The following ITGAE variants were observed in gnomAD, a reference collection of about 807,000 sequenced individuals.
ITGAE encodes integrin subunit alpha E.
ITGAE carries 99 observed loss-of-function variants against 136.5 expected under a neutral mutation model. The ratio of observed to expected loss-of-function variants is 0.73; its 90% CI spans 0.62 to 0.86. ITGAE has a LOEUF of 0.86. Among genes scored for constraint, ITGAE ranks in the 40% least tolerant of loss-of-function variants. ITGAE has a pLI of 0.00. For missense variants in ITGAE, 1,447 were observed against 1,515.3 expected (o/e 0.95, Z 0.75); for synonymous variants, 613 against 591.8 (o/e 1.04, Z -0.52).
In ITGAE at chr17:3,761,903, T is replaced by C. The variant is rs765054248; in HGVS notation, c.315+12A>G. ...TCCCTAAGGCCCTCCCTCCTCTCGC[T>C]CCTGCACTCACCAAAACACCGTGGT... On this transcript the variant is annotated intron_variant, in intron 4 of 30. Transcript: ENST00000263087. The C allele has an allele frequency of 3.7e-6, 6 of 1,612,990 alleles. No homozygotes were observed. Among genetic ancestry groups the C allele is most frequent in the Non-Finnish European group, 5.1e-6 (6 of 1,179,196 alleles).
Position 3,777,437 on chromosome 17 carries a change from G to A in ITGAE, c.155+103C>T, listed in dbSNP as rs1175689634. ...TGAAAGAGAAAGGAGTTCCTCTCCT[G>A]ACGGTGGGGTGGGGTGGGCTGCCAT... On this transcript the variant is annotated intron_variant, in intron 2 of 30. Transcript: ENST00000263087. The A allele has an allele frequency of 9.9e-6, 14 of 1,415,228 alleles. No individual in the cohort carries two copies. In the Admixed American group the frequency reaches 2.4e-4, roughly 25 times the overall value. 87.7% of individuals were successfully genotyped at this position (1,415,228 alleles called of 1,614,324 possible).
chr17:3,794,826 G>A (rs1404562684), intron 1 of ITGAE, among the ~76,000 whole-genome samples: 2 of 152,124 alleles, frequency 1.3e-5, no homozygotes, highest in African/African-American at 4.8e-5. Context: ...AGGGGTGGGT[G>A]GGGGGCCTTC....
chr17:3,761,117 C>T lies in ITGAE; in HGVS notation c.494G>A (p.Gly165Asp). Residue 165 changes from glycine (G) to aspartate (D), a missense_variant, in exon 6 of 31, where the codon GGC (glycine) becomes GAC (aspartate). By Grantham distance (94) the Gly-to-Asp change is moderately conservative (BLOSUM62 -1). Transcript: ENST00000263087. ...TGTGTTCACATCGTCTTCTCCACCG[C>T]CTTCTTTGTTGCTGTAGCAGTCTCC... ...DTGDCYSNKE[G>D]GGEDDVNTAR... 1.9e-6 allele frequency: 3 copies of T among 1,613,294 alleles called. No individual in the cohort carries two copies. Among genetic ancestry groups the T allele is most frequent in the Admixed American group, 1.7e-5 (1 of 59,982 alleles).
chr17:3,759,675 A>G, intron 7 of ITGAE, 122 bp from the exon 8 acceptor site: 1 of 1,221,836 alleles, frequency 8.2e-7, no homozygotes, highest in Admixed American at 2.2e-5. Flanking sequence ...GCAGAAAGAG[A>G]TGCTAAGGCA....
rs116605886 is a variant in ITGAE at position 3,798,089 on chromosome 17, A to G, written c.34+3022T>C. On this transcript the variant is annotated intron_variant, in intron 1 of 30. Transcript: ENST00000263087. The surrounding 1 kb of genome is among the most constrained non-coding windows in gnomAD (Gnocchi z 4.3). Reference sequence around the variant, plus strand: ...CCTGCCACACGAATGCAGGCCTCCCAGAGAAGGGCAGGGATGTGGGGCTCC... The same window carrying G: ...CCTGCCACACGAATGCAGGCCTCCCGGAGAAGGGCAGGGATGTGGGGCTCC... 3.9e-3 allele frequency among the ~76,000 whole-genome samples: 597 copies of G among 152,246 alleles called. 4 individuals carry two copies. Among genetic ancestry groups the G allele is most frequent in the African/African-American group, 0.013 (558 of 41,550 alleles).
chr17:3,786,888 CAAAAAAAAAAAA>C (rs1268482931), intron 1 of ITGAE, among the ~76,000 whole-genome samples: 2 of 35,316 alleles, frequency 5.7e-5, no homozygotes, highest in South Asian at 8.8e-4. Flanking sequence ...GACTCCATCT[CAAAAAAAAAAAA>C]AAAAAAAAAG....
intron 20 of ITGAE, among the ~76,000 whole-genome samples, chr17:3,739,124 C>T (rs2051526389): frequency 6.6e-6 from 1 of 152,024 alleles, no homozygotes. Context: ...CCTGCAGCTG[C>T]TCTTCCCTTA....
chr17:3,786,786 A>G, intron 1 of ITGAE, among the ~76,000 whole-genome samples: 1 of 148,598 alleles, frequency 6.7e-6, no homozygotes, highest in East Asian at 2.1e-4. Flanking sequence ...GCTACTCGGG[A>G]GGCTGAGGCA....
chr17:3,723,783 C>G (rs1251570350), intron 26 of ITGAE, 39 bp from the exon 27 acceptor site: 4 of 1,600,950 alleles, frequency 2.5e-6, no homozygotes, highest in Non-Finnish European at 3.4e-6. Context: ...CTGAACAAAC[C>G]AAGCCGCCAG....
intron 2 of ITGAE, among the ~76,000 whole-genome samples, chr17:3,764,861 A>T (rs2052256679): frequency 6.6e-6 from 1 of 152,062 alleles, no homozygotes; most frequent in Admixed American, 6.6e-5. Context: ...CATTCTCACC[A>T]TCCACGTTAC....
chr17:3,732,436 G>A lies in ITGAE; in HGVS notation c.2686C>T (p.Pro896Ser). The A allele has an allele frequency of 6.2e-7, 1 of 1,614,108 alleles. No individual in the cohort carries two copies. The highest frequency in any genetic ancestry group is 8.5e-7 in the Non-Finnish European group (1 of 1,179,992). Residue 896 changes from proline (P) to serine (S), a missense_variant, in exon 22 of 31, where the codon CCT becomes TCT. Pro to Ser is a moderately conservative substitution (Grantham distance 74, BLOSUM62 -1). Coordinates refer to ENST00000263087, the MANE Select transcript of ITGAE (RefSeq NM_002208.5). ...ATCAGGACAGAAGCAACCGGCTGAG[G>A]GTCATCACACTGAATGTTTGGAGAG... Reference protein sequence around the residue: ...PPSPNIQCDDPQPVASVLIMN... With the variant: ...PPSPNIQCDDSQPVASVLIMN...
At chr17:3,787,272 C>T (rs551165219) in intron 1 of ITGAE, among the ~76,000 whole-genome samples, 45 of 152,044 alleles carry the variant, frequency 3.0e-4, no homozygotes, top group Non-Finnish European at 2.5e-4. Context: ...CCACCACACC[C>T]GCCTAAGTTT....
In ITGAE at chr17:3,748,153, G is replaced by A. The variant is rs925950663; in HGVS notation, c.2025-101C>T. On this transcript the variant is annotated intron_variant, in intron 16 of 30. Transcript: ENST00000263087. ...CATTCAATGGTTCTCTATCAAACAT[G>A]CCCACATCCAGGTGATCCCTGAGTC... 5.8e-6 allele frequency: 7 copies of A among 1,212,846 alleles called. No homozygotes were observed. The Admixed American group carries it at 1.4e-4, about 25-fold the overall frequency. 75.1% of individuals were successfully genotyped at this position (1,212,846 alleles called of 1,614,324 possible). A position where few individuals can be genotyped will look rare whatever the true frequency, so the allele number is the denominator to read the frequency against.
At chr17:3,748,415 G>A (rs982798062) in intron 16 of ITGAE, among the ~76,000 whole-genome samples, 5 of 152,178 alleles carry the variant, frequency 3.3e-5, no homozygotes, top group East Asian at 1.9e-4. Context: ...GTGAAACATC[G>A]TCTCTACTAA....
At chr17:3,731,204 T>C (rs1365419241) in intron 22 of ITGAE, 21 bp from the exon 23 acceptor site, 1 of 1,598,170 alleles carries the variant, frequency 6.3e-7, no homozygotes, top group East Asian at 2.2e-5. Context: ...GGGGGAAAAA[T>C]GGTCAGTTGA....
intron 21 of ITGAE, 25 bp downstream of exon 21, chr17:3,734,792 T>C (rs1040735760): frequency 2.5e-6 from 4 of 1,613,396 alleles, no homozygotes; most frequent in African/African-American, 1.3e-5. Flanking sequence ...GAGGGACCTG[T>C]TTCCACAGCC....
At chr17:3,717,584 G>C (rs892037075) in intron 29 of ITGAE, 3 of 152,218 alleles carry the variant, frequency 2.0e-5, no homozygotes, top group African/African-American at 7.2e-5. Flanking sequence ...GGGCCAGAGA[G>C]CCAACAAGAC....
intron 10 of ITGAE, among the ~76,000 whole-genome samples, chr17:3,756,262 C>T (rs550106973): frequency 5.3e-5 from 6 of 113,868 alleles, no homozygotes; most frequent in African/African-American, 1.7e-4. Context: ...GAGACAGTGT[C>T]TCACTCTGTT....
chr17:3,721,999 G>A (rs1469545871), intron 28 of ITGAE, among the ~76,000 whole-genome samples: 1 of 151,784 alleles, frequency 6.6e-6, no homozygotes, highest in Non-Finnish European at 1.5e-5. Flanking sequence ...CACCAACATG[G>A]AGAAACCCCA....
Sources: gnomAD v4.1 joint callset for allele counts (sites outside exome capture counted in the v4.1 genomes callset) on GRCh38, gnomAD v4.1.1 for gene constraint, Gnocchi (gnomAD v3.1) non-coding constraint, MANE v1.5 for transcripts, NCBI Gene and HGNC (gene_info 2026-07-23, HGNC 2026-07-21) for gene names.